The following PIK3R2 variants were observed in gnomAD, a reference collection of about 807,000 sequenced individuals.
PIK3R2 encodes phosphatidylinositol 3-kinase regulatory subunit beta.
Under a neutral mutation model 78.5 loss-of-function variants are expected in PIK3R2, and 40 were observed. The observed-to-expected ratio is 0.51, with a 90% CI of 0.40 to 0.66. The LOEUF is 0.66. PIK3R2 is among the 30% of genes least tolerant of loss of function. The probability of loss-of-function intolerance (pLI) is 0.00; values close to 1 mark genes in which losing one functional copy is unlikely to be tolerated. For synonymous variants in PIK3R2, 473 were observed against 457.7 expected (o/e 1.03, Z -0.43); for missense variants, 880 against 1,026.6 (o/e 0.86, Z 1.95).
At position 18,156,159 on chromosome 19, in the gene PIK3R2, C is replaced by T. The variant is rs751984228; in HGVS notation, c.280C>T (p.Arg94Cys). ...GCCCGGCCCTCGCCCACGGGGCCCC[C>T]GCCCACTGCCCGCCAGGCCCCGTGA... ...ARPGPRPRGPRPLPARPRDGA... is the reference protein window; with the variant it reads ...ARPGPRPRGPCPLPARPRDGA... The change falls in exon 2 of 16, where the codon CGC becomes TGC. Residue 94 changes from arginine to cysteine, a missense_variant. This residue lies in a region of PIK3R2 where 456 missense variants were observed against 486.6 expected (regional missense o/e 0.94). Transcript: ENST00000222254. The surrounding 1 kb of genome is among the most constrained non-coding windows in gnomAD (Gnocchi z 4.2). 5.1e-5 allele frequency: 74 copies of T among 1,454,848 alleles called. No individual in the cohort carries two copies. Among genetic ancestry groups the T allele is most frequent in the South Asian group, 1.5e-4 (10 of 68,200 alleles). The allele number at this position is 1,454,848 out of a possible 1,614,324, so 90.1% of individuals were successfully genotyped here. A position where few individuals can be genotyped will look rare whatever the true frequency, so the allele number is the denominator to read the frequency against.
chr19:18,164,378 G>A (rs970710514), intron 11 of PIK3R2, among the ~76,000 whole-genome samples: 6 of 151,594 alleles, frequency 4.0e-5, no homozygotes, highest in South Asian at 2.1e-4. Context: ...TGCAGGGCGC[G>A]CACCTCTAAT....
In PIK3R2 at chr19:18,169,058, C is replaced by G. The variant is rs1418802636; in HGVS notation, c.1980-29C>G. The G allele has an allele frequency of 1.9e-6, 3 of 1,594,930 alleles. No homozygotes were observed. The Admixed American group carries it at 5.0e-5, about 27-fold the overall frequency. On this transcript the variant is annotated intron_variant, in intron 15 of 15. Coordinates refer to ENST00000222254, the MANE Select transcript of PIK3R2 (RefSeq NM_005027.4). ...AAAGCTTGGCGGGGAGGCCAGCCTT[C>G]CGACTCCCCCTCTCGTCTGCCCCCA...
Position 18,161,124 on chromosome 19 carries a change from G to A in PIK3R2, c.537G>A (p.Leu179=), listed in dbSNP as rs1234187776. The change falls in exon 5 of 16, where the codon CTG becomes CTA. Residue 179 remains leucine (L), a synonymous_variant. Coordinates refer to ENST00000222254, the MANE Select transcript of PIK3R2 (RefSeq NM_005027.4). The surrounding 1 kb of genome is among the most constrained non-coding windows in gnomAD (Gnocchi z 5.3). ...ALADGIKSFL[L]ALPAPLVTPE... ...CTGACGGCATTAAGAGCTTCCTGCT[G>A]GCACTGCCCGCGCCGCTCGTGACCC... is the stretch of plus-strand genomic sequence containing the variant. The A allele has an allele frequency of 6.4e-7, 1 of 1,573,368 alleles. No homozygotes were observed.
In PIK3R2 at chr19:18,161,358, C is replaced by T. The variant is rs1342006669; in HGVS notation, c.678C>T (p.Leu226=). Residue 226 remains leucine (L), a synonymous_variant, in exon 6 of 16, where the codon CTC becomes CTT. Transcript: ENST00000222254. The surrounding 1 kb of genome is among the most constrained non-coding windows in gnomAD (Gnocchi z 5.3). ...GCGCGCTCACGCTGCGCTTCCTGCT[C>T]CAGCACCTGGGCCGCGTGGCCAGCC... The part of the protein sequence containing the change: ...LHRALTLRFL[L]QHLGRVASRA... 3.8e-6 allele frequency: 5 copies of T among 1,304,712 alleles called. No homozygotes were observed. The South Asian group carries it at 8.8e-5, about 23-fold the overall frequency. 80.8% of individuals were successfully genotyped at this position (1,304,712 alleles called of 1,614,324 possible).
In PIK3R2 at chr19:18,155,551, T is replaced by C. The variant is rs932001718; in HGVS notation, c.-329T>C. 1.8e-5 allele frequency: 8 copies of C among 454,948 alleles called. No homozygotes were observed. Among genetic ancestry groups the C allele is most frequent in the Non-Finnish European group, 3.1e-5 (8 of 259,622 alleles). The allele number at this position is 454,948 out of a possible 1,614,324, so 28.2% of individuals were successfully genotyped here. A position where few individuals can be genotyped will look rare whatever the true frequency, so the allele number is the denominator to read the frequency against. On this transcript the variant is annotated 5_prime_UTR_variant, in exon 2 of 16. It removes an upstream start codon present in the reference 5' UTR. Coordinates refer to ENST00000222254, the MANE Select transcript of PIK3R2 (RefSeq NM_005027.4). ...CAGAGCCGCCAGCCTTGGGCGCCCA[T>C]GGCCCTCCGTGTGAGGGCGTGAGCG...
rs568080631 is a variant in PIK3R2, at chr19:18,169,851, C to G, written c.*557C>G. 6.4e-5 allele frequency: 13 copies of G among 204,006 alleles called. No individual in the cohort carries two copies. Among genetic ancestry groups the G allele is most frequent in the African/African-American group, 1.1e-4 (5 of 43,738 alleles). 12.6% of individuals were successfully genotyped at this position (204,006 alleles called of 1,614,324 possible). The stretch of plus-strand genomic sequence containing the variant: ...TTCCCCTCCAAACCCCGAAGTGAAA[C>G]CCGCCACCGGGTTACCCCCACAAGG... On this transcript the variant is annotated 3_prime_UTR_variant, in exon 16 of 16. Coordinates refer to ENST00000222254, the MANE Select transcript of PIK3R2 (RefSeq NM_005027.4).
At chr19:18,160,363 C>G in intron 2 of PIK3R2, 108 bp from the exon 3 acceptor site, 1 of 728,834 alleles carries the variant, frequency 1.4e-6, no homozygotes, top group Admixed American at 2.0e-5. Flanking sequence ...CTTGCCTGAG[C>G]TGGGCCCTGC....
At position 18,160,490 on chromosome 19, in the gene PIK3R2, G is replaced by T; in HGVS notation, c.342G>T (p.Leu114Phe). The T allele has an allele frequency of 6.2e-7, 1 of 1,613,548 alleles. No individual in the cohort carries two copies. The highest frequency in any genetic ancestry group is 8.5e-7 in the Non-Finnish European group (1 of 1,179,572). ...CACCAGGCCTCACACTCCCCGACTT[G>T]CCCGAGCAGTTCTCCCCACCTGATG... is the stretch of plus-strand genomic sequence containing the variant. ...APEPGLTLPD[L>F]PEQFSPPDVA... The change falls in exon 3 of 16, where the codon TTG becomes TTT. Residue 114 changes from leucine (L) to phenylalanine (F), a missense_variant. Leu to Phe is a conservative substitution (Grantham distance 22). Transcript: ENST00000222254.
intron 15 of PIK3R2, 83 bp from the exon 16 acceptor site, chr19:18,169,004 A>G: frequency 1.3e-6 from 2 of 1,560,044 alleles, no homozygotes; most frequent in East Asian, 2.3e-5. Context: ...GTCATCCGGG[A>G]CAGGGGAGCA....
At chr19:18,164,320 T>G (rs1487169111) in intron 11 of PIK3R2, among the ~76,000 whole-genome samples, 1 of 151,874 alleles carries the variant, frequency 6.6e-6, no homozygotes. Context: ...CCTTGATTAC[T>G]TATGTCCCCT....
In PIK3R2 at chr19:18,165,020, G is replaced by A. The variant is rs2043793642; in HGVS notation, c.1417-1140G>A. Among the ~76,000 whole-genome samples the A allele has an allele frequency of 2.7e-5, 4 of 147,970 alleles. No individual in the cohort carries two copies. In the South Asian group the frequency reaches 8.8e-4, roughly 33 times the overall value. On this transcript the variant is annotated intron_variant, in intron 11 of 15. Transcript: ENST00000222254. The stretch of plus-strand genomic sequence containing the variant: ...AGGCAGGCAGATCATCTGAGGTCAG[G>A]AGTTTGAGACCAGCCTGGCCAACAT...
At position 18,168,494 on chromosome 19, in the gene PIK3R2, G is replaced by A. The variant is rs761752973; in HGVS notation, c.1756G>A (p.Ala586Thr). 12 of 780,624 alleles carry A rather than the reference G, an allele frequency of 1.5e-5. No homozygotes were observed. Among genetic ancestry groups the A allele is most frequent in the South Asian group, 5.4e-5 (4 of 74,568 alleles). 48.4% of individuals were successfully genotyped at this position (780,624 alleles called of 1,614,324 possible). The change falls in exon 14 of 16, where the codon GCC (alanine) becomes ACC (threonine). Residue 586 changes from alanine (A) to threonine (T), a missense_variant. Physicochemically the swap from Ala to Thr is moderately conservative, Grantham distance 58 (BLOSUM62 0). This residue lies in a region of PIK3R2 where 268 missense variants were observed against 299.1 expected (regional missense o/e 0.90). Coordinates refer to ENST00000222254, the MANE Select transcript of PIK3R2 (RefSeq NM_005027.4). The surrounding 1 kb of genome is among the most constrained non-coding windows in gnomAD (Gnocchi z 4.1). ...TCTCAGGTGGCTCACCCAGAAAGGCGCCCGGCAGAAGAAAATCAACGAGTG... is the reference window on the plus strand; with the variant it reads ...TCTCAGGTGGCTCACCCAGAAAGGCACCCGGCAGAAGAAAATCAACGAGTG... ...QYLVWLTQKG[A>T]RQKKINEWLG... is the part of the protein sequence containing the mutation.
At position 18,161,044 on chromosome 19, in the gene PIK3R2, G is replaced by T. The variant is rs1286799145; in HGVS notation, c.467-10G>T. The T allele has an allele frequency of 1.2e-6, 2 of 1,611,126 alleles. No individual in the cohort carries two copies. The highest frequency in any genetic ancestry group is 1.7e-6 in the Non-Finnish European group (2 of 1,179,196). On this transcript the variant is annotated splice_polypyrimidine_tract_variant and intron_variant, in intron 4 of 15. Transcript: ENST00000222254. The surrounding 1 kb of genome is among the most constrained non-coding windows in gnomAD (Gnocchi z 5.3). ...ACATGAGTTGGACGTGTGCCCCCCT[G>T]CACCCGCAGACTGGTCCCTGAGCGA...
Position 18,160,512 on chromosome 19 carries a change from G to T in PIK3R2, c.364G>T (p.Asp122Tyr), listed in dbSNP as rs1431248709. 2.5e-6 allele frequency: 4 copies of T among 1,613,876 alleles called. No individual in the cohort carries two copies. The Admixed American group carries it at 6.7e-5, about 27-fold the overall frequency. ...CTTGCCCGAGCAGTTCTCCCCACCT[G>T]ATGTGGCTCCCCCTCTTCTGGTGAA... Reference protein sequence around the residue: ...PDLPEQFSPPDVAPPLLVKLV... With the variant: ...PDLPEQFSPPYVAPPLLVKLV... The change falls in exon 3 of 16, where the codon GAT becomes TAT. Residue 122 changes from aspartate to tyrosine, a missense_variant. Physicochemically the swap from Asp to Tyr is radical, Grantham distance 160. This residue lies in a region of PIK3R2 where 456 missense variants were observed against 486.6 expected (regional missense o/e 0.94). Coordinates refer to ENST00000222254, the MANE Select transcript of PIK3R2 (RefSeq NM_005027.4).
intron 1 of PIK3R2, among the ~76,000 whole-genome samples, chr19:18,154,189 A>AC (rs936404141): frequency 6.6e-6 from 1 of 151,446 alleles, no homozygotes; most frequent in African/African-American, 2.4e-5. Context: ...CCATCCCCCG[A>AC]CCCTAGCCCT....
In PIK3R2 at chr19:18,156,506, G is replaced by A. The variant is rs1316955499; in HGVS notation, c.322+305G>A. On this transcript the variant is annotated intron_variant, in intron 2 of 15. Transcript: ENST00000222254. The surrounding 1 kb of genome is among the most constrained non-coding windows in gnomAD (Gnocchi z 4.2). ...AGTGGGGGCAGCGAGGGCAGAGGCTGTGGAGTAGAACTCTAATGGCGGGAA... is the reference window on the plus strand; with the variant it reads ...AGTGGGGGCAGCGAGGGCAGAGGCTATGGAGTAGAACTCTAATGGCGGGAA... Among the ~76,000 whole-genome samples the A allele has an allele frequency of 2.6e-5, 4 of 152,184 alleles. No homozygotes were observed. Among genetic ancestry groups the A allele is most frequent in the Non-Finnish European group, 5.9e-5 (4 of 68,034 alleles).
intron 2 of PIK3R2, among the ~76,000 whole-genome samples, chr19:18,157,804 A>G (rs542361076): frequency 7.1e-5 from 9 of 127,242 alleles, no homozygotes; most frequent in Non-Finnish European, 1.3e-4. Context: ...CACCTGGCCC[A>G]TCACTCAGGG....
chr19:18,155,928 C>T lies in PIK3R2; in HGVS notation c.49C>T (p.Arg17Trp), dbSNP rs868385898. Residue 17 changes from arginine to tryptophan, a missense_variant, in exon 2 of 16, where the codon CGG becomes TGG. Arg to Trp is a moderately radical substitution (Grantham distance 101). Coordinates refer to ENST00000222254, the MANE Select transcript of PIK3R2 (RefSeq NM_005027.4). ...FQYRALYPFR[R>W]ERPEDLELLP... ...GTACCGCGCTCTGTACCCGTTCCGC[C>T]GGGAGCGGCCGGAGGACCTGGAGCT... 1.9e-6 allele frequency: 3 copies of T among 1,568,156 alleles called. No homozygotes were observed. The highest frequency in any genetic ancestry group is 2.6e-6 in the Non-Finnish European group (3 of 1,156,912).
At position 18,156,280 on chromosome 19, in the gene PIK3R2, T is replaced by C; in HGVS notation, c.322+79T>C. The C allele has an allele frequency of 1.8e-6, 2 of 1,124,924 alleles. No homozygotes were observed. Among genetic ancestry groups the C allele is most frequent in the Non-Finnish European group, 2.4e-6 (2 of 823,770 alleles). The allele number at this position is 1,124,924 out of a possible 1,614,324, so 69.7% of individuals were successfully genotyped here. On this transcript the variant is annotated intron_variant, in intron 2 of 15. Transcript: ENST00000222254. This position sits in a 1 kb window ranked among gnomAD's most constrained non-coding sequence, Gnocchi z 4.2. Reference sequence around the variant, plus strand: ...TCTCCTCTTCTGTCCAGTGAGGCAATGGGATCTCCAAGGAAGGAGGAAAAA... The same window carrying C: ...TCTCCTCTTCTGTCCAGTGAGGCAACGGGATCTCCAAGGAAGGAGGAAAAA...
Sources: allele counts gnomAD v4.1 joint callset (sites outside exome capture counted in the v4.1 genomes callset), GRCh38; gene constraint gnomAD v4.1.1; regional missense constraint gnomAD v4.1.1; non-coding constraint Gnocchi (gnomAD v3.1); transcripts MANE v1.5; gene names NCBI Gene and HGNC (gene_info 2026-07-23, HGNC 2026-07-21).